The following NR1D2 variants were observed in gnomAD, a reference collection of about 807,000 sequenced individuals.
NR1D2 encodes the protein V-erbA-related protein 1-related.
Under a neutral mutation model 52.2 loss-of-function variants are expected in NR1D2, and 25 were observed. The ratio of observed to expected loss-of-function variants is 0.48; its 90% CI spans 0.35 to 0.67. The LOEUF is 0.67. NR1D2 is among the 30% of genes least tolerant of loss of function. The probability of loss-of-function intolerance (pLI) is 0.01; values close to 1 mark genes in which losing one functional copy is unlikely to be tolerated. For missense variants in NR1D2, 681 were observed against 707.2 expected (o/e 0.96, Z 0.42); for synonymous variants, 259 against 230.1 (o/e 1.13, Z -1.14).
chr3:23,946,239 C>A, intron 1 of NR1D2: 1 of 985,460 alleles, frequency 1.0e-6, no homozygotes, highest in Non-Finnish European at 1.2e-6. Flanking sequence ...GGACGCCGCA[C>A]GCTCTTTTCG....
intron 1 of NR1D2, among the ~76,000 whole-genome samples, chr3:23,952,801 C>T (rs1448197195): frequency 2.6e-5 from 4 of 151,874 alleles, no homozygotes; most frequent in Admixed American, 2.6e-4. Flanking sequence ...TTTTATCTTC[C>T]CTTCTGGGTT....
chr3:23,979,206 A>G lies in NR1D2; in HGVS notation c.*1787A>G, dbSNP rs1221068179. ...AAACCCTCTCATTATTAAAGAGGAAAGGCGATGGTGATGTCTGTAGTACAA... is the reference window on the plus strand; with the variant it reads ...AAACCCTCTCATTATTAAAGAGGAAGGGCGATGGTGATGTCTGTAGTACAA... On this transcript the variant is annotated 3_prime_UTR_variant, in exon 8 of 8. Coordinates refer to ENST00000312521, the MANE Select transcript of NR1D2 (RefSeq NM_005126.5). 6.6e-6 allele frequency: 1 copy of G among 152,122 alleles called. No individual in the cohort carries two copies. The highest frequency in any genetic ancestry group is 1.5e-5 in the Non-Finnish European group (1 of 67,962). The allele number at this position is 152,122 out of a possible 1,614,324, so 9.4% of individuals were successfully genotyped here.
intron 6 of NR1D2, 139 bp downstream of exon 6, chr3:23,965,301 G>A (rs759935984): frequency 2.9e-5 from 18 of 615,964 alleles, no homozygotes; most frequent in Non-Finnish European, 3.9e-5. Flanking sequence ...GTGCAGCAGC[G>A]CGATCATAGC....
intron 7 of NR1D2, among the ~76,000 whole-genome samples, chr3:23,968,496 G>A (rs1241027399): frequency 2.6e-5 from 4 of 152,184 alleles, no homozygotes; most frequent in Admixed American, 2.6e-4. Flanking sequence ...AATTATGTGG[G>A]TAACTTGGGT....
rs753616183 is a variant in NR1D2 at position 23,980,457 on chromosome 3, A to G, written c.*3038A>G. On this transcript the variant is annotated 3_prime_UTR_variant, in exon 8 of 8. Transcript: ENST00000312521. The stretch of plus-strand genomic sequence containing the variant: ...TCTGGAACTAACATGGAAAAATGAA[A>G]TGGCTATTGTTTAAAAAAATGATAG... The G allele has an allele frequency of 7.9e-5, 12 of 152,090 alleles. No individual in the cohort carries two copies. Among genetic ancestry groups the G allele is most frequent in the Non-Finnish European group, 1.3e-4 (9 of 68,010 alleles). The allele number at this position is 152,090 out of a possible 1,614,324, so 9.4% of individuals were successfully genotyped here.
intron 1 of NR1D2, among the ~76,000 whole-genome samples, chr3:23,953,736 C>G (rs559667619): frequency 6.6e-6 from 1 of 152,184 alleles, no homozygotes; most frequent in Admixed American, 6.5e-5. Context: ...CTAAATGTTA[C>G]ATCTGTTCTG....
chr3:23,976,330 G>T lies in NR1D2; in HGVS notation c.1544-893G>T, dbSNP rs115611384. 7.5e-3 allele frequency among the ~76,000 whole-genome samples: 1,143 copies of T among 152,278 alleles called. 7 individuals carry two copies. The highest frequency in any genetic ancestry group is 0.013 in the Non-Finnish European group (853 of 68,018). Reference sequence around the variant, plus strand: ...ATGCAAACATTTATTTAATCTCACAGTTTTTGAGGGTTAAGATATGATATG... The same window carrying T: ...ATGCAAACATTTATTTAATCTCACATTTTTTGAGGGTTAAGATATGATATG... On this transcript the variant is annotated intron_variant, in intron 7 of 7. Transcript: ENST00000312521.
intron 7 of NR1D2, among the ~76,000 whole-genome samples, chr3:23,968,263 CTT>C (rs959418260): frequency 6.6e-6 from 1 of 152,096 alleles, no homozygotes; most frequent in African/African-American, 2.4e-5. Context: ...CACTGTTAGT[CTT>C]TAGCTTTTTG....
intron 1 of NR1D2, among the ~76,000 whole-genome samples, chr3:23,948,164 G>T (rs1257104101): frequency 6.6e-6 from 1 of 151,206 alleles, no homozygotes; most frequent in African/African-American, 2.4e-5. Flanking sequence ...TGTAAACATT[G>T]ACCAAGGTGG....
In NR1D2 at chr3:23,978,112, G is replaced by A. The variant is rs1706783896; in HGVS notation, c.*693G>A. On this transcript the variant is annotated 3_prime_UTR_variant, in exon 8 of 8. Coordinates refer to ENST00000312521, the MANE Select transcript of NR1D2 (RefSeq NM_005126.5). ...TTTTCTTATTTCTAAGCCTTTCTGG[G>A]AAATCATTTCAGTCCACACCAACCA... The A allele has an allele frequency of 6.6e-6, 1 of 152,018 alleles. No individual in the cohort carries two copies. Among genetic ancestry groups the A allele is most frequent in the South Asian group, 2.1e-4 (1 of 4,818 alleles). 9.4% of individuals were successfully genotyped at this position (152,018 alleles called of 1,614,324 possible).
chr3:23,958,355 T>C (rs552236806), intron 3 of NR1D2, among the ~76,000 whole-genome samples: 1 of 152,174 alleles, frequency 6.6e-6, no homozygotes, highest in Non-Finnish European at 1.5e-5. Flanking sequence ...TTTTAAGAAG[T>C]AGTCATTTAG....
At chr3:23,956,007 C>T in intron 2 of NR1D2, 30 bp from the exon 3 acceptor site, 1 of 1,535,634 alleles carries the variant, frequency 6.5e-7, no homozygotes, top group Non-Finnish European at 9.0e-7. Flanking sequence ...TTTCCTCCTA[C>T]TTTTTACTTC....
At chr3:23,947,415 G>A (rs915526282) in intron 1 of NR1D2, among the ~76,000 whole-genome samples, 1 of 152,126 alleles carries the variant, frequency 6.6e-6, no homozygotes, top group Non-Finnish European at 1.5e-5. Context: ...TCCTTGCCCA[G>A]CATTGTTTTT....
At chr3:23,952,054 A>G (rs1178743275) in intron 1 of NR1D2, among the ~76,000 whole-genome samples, 3 of 152,212 alleles carry the variant, frequency 2.0e-5, no homozygotes, top group Admixed American at 6.5e-5. Flanking sequence ...AGAATCACCA[A>G]GAGGGCTTAT....
chr3:23,979,528 T>C lies in NR1D2; in HGVS notation c.*2109T>C, dbSNP rs1187181946. On this transcript the variant is annotated 3_prime_UTR_variant, in exon 8 of 8. Coordinates refer to ENST00000312521, the MANE Select transcript of NR1D2 (RefSeq NM_005126.5). ...ACCAGAACTATGTTAGTATTGCTTA[T>C]AAAACTTTAGTTAGGTTCAATATAT... 2 of 152,104 alleles carry C rather than the reference T, an allele frequency of 1.3e-5. No homozygotes were observed. The highest frequency in any genetic ancestry group is 2.4e-5 in the African/African-American group (1 of 41,450). The allele number at this position is 152,104 out of a possible 1,614,324, so 9.4% of individuals were successfully genotyped here.
chr3:23,971,036 C>T (rs1015576618), intron 7 of NR1D2, among the ~76,000 whole-genome samples: 2 of 152,174 alleles, frequency 1.3e-5, no homozygotes, highest in African/African-American at 4.8e-5. Flanking sequence ...CCGCCTCGGC[C>T]TCCCAAAGTG....
intron 7 of NR1D2, among the ~76,000 whole-genome samples, chr3:23,974,087 C>CTTTTTTT (rs1328593283): frequency 2.5e-5 from 1 of 40,172 alleles, no homozygotes; most frequent in African/African-American, 9.5e-5. Flanking sequence ...TTTACAGTTA[C>CTTTTTTT]CTTTTTTTTT....
chr3:23,969,261 T>C (rs1706527358), intron 7 of NR1D2, among the ~76,000 whole-genome samples: 1 of 152,116 alleles, frequency 6.6e-6, no homozygotes, highest in Non-Finnish European at 1.5e-5. Context: ...GCATTCCAGC[T>C]TGGGTGACAG....
chr3:23,961,892 AAC>A, intron 4 of NR1D2, 83 bp from the exon 5 acceptor site: 1 of 1,283,026 alleles, frequency 7.8e-7, no homozygotes, highest in Non-Finnish European at 1.1e-6. Context: ...TAGAGGCCAT[AAC>A]TGTTGGATAA....
Sources: gnomAD v4.1 joint callset for allele counts (sites outside exome capture counted in the v4.1 genomes callset) on GRCh38, gnomAD v4.1.1 for gene constraint, MANE v1.5 for transcripts, NCBI Gene and HGNC (gene_info 2026-07-23, HGNC 2026-07-21) for gene names.